Variants in RAI1 observed in about 807,000 individuals in gnomAD.
RAI1 encodes the protein retinoic acid-induced protein 1.
A neutral mutation model predicts 123.8 loss-of-function variants in RAI1; 9 were observed. The observed-to-expected ratio is 0.07, with a 90% CI of 0.04 to 0.13. RAI1 has a LOEUF of 0.13. Ranked by LOEUF, RAI1 falls within the 10% of genes least tolerant of loss-of-function variation. RAI1 has a pLI of 1.00. For missense variants in RAI1, 2,256 were observed against 2,545.8 expected (o/e 0.89, Z 2.45); for synonymous variants, 1,231 against 1,127.3 (o/e 1.09, Z -1.84).
chr17:17,803,954 C>A, intron 4 of RAI1, 105 bp downstream of exon 4: 1 of 1,068,792 alleles, frequency 9.4e-7, no homozygotes, highest in Non-Finnish European at 1.4e-6. Context: ...TCTCACTCTT[C>A]AGTTTCCCTC....
At chr17:17,700,702 T>TCCGG (rs1915192299) in intron 1 of RAI1, among the ~76,000 whole-genome samples, 2 of 152,034 alleles carry the variant, frequency 1.3e-5, no homozygotes, top group Admixed American at 6.5e-5. Flanking sequence ...GAGGCCGCAG[T>TCCGG]CCGGCCCCTC....
chr17:17,786,340 T>C (rs1318777528), intron 2 of RAI1, among the ~76,000 whole-genome samples: 1 of 152,262 alleles, frequency 6.6e-6, no homozygotes, highest in African/African-American at 2.4e-5. Flanking sequence ...TTGTGCATTA[T>C]TGATTCAGTA....
At position 17,796,789 on chromosome 17, in the gene RAI1, C is replaced by A; in HGVS notation, c.3841C>A (p.Pro1281Thr). ...GATGTCTTCTCCCAAGAAAGCCAAG[C>A]CCACCAAGGGCAATGGCGAGCCTGC... ...KRMSSPKKAK[P>T]TKGNGEPATK... Residue 1281 changes from proline (P) to threonine (T), a missense_variant, in exon 3 of 6, where the codon CCC (proline) becomes ACC (threonine). By Grantham distance (38) the Pro-to-Thr change is conservative. Coordinates refer to ENST00000353383, the MANE Select transcript of RAI1 (RefSeq NM_030665.4). The surrounding 1 kb of genome is among the most constrained non-coding windows in gnomAD (Gnocchi z 5.8). 6.2e-7 allele frequency: 1 copy of A among 1,612,864 alleles called. No homozygotes were observed. Among genetic ancestry groups the A allele is most frequent in the Non-Finnish European group, 8.5e-7 (1 of 1,179,648 alleles).
rs570789507 is a variant in RAI1 at position 17,799,998 on chromosome 17, C to T, written c.5565+1485C>T. Reference sequence around the variant, plus strand: ...GGATGGCTGGAGACCTTCTCCACGCCCAGACGCCCTGCCCACCTCACTCCA... The same window carrying T: ...GGATGGCTGGAGACCTTCTCCACGCTCAGACGCCCTGCCCACCTCACTCCA... On this transcript the variant is annotated intron_variant, in intron 3 of 5. Coordinates refer to ENST00000353383, the MANE Select transcript of RAI1 (RefSeq NM_030665.4). The surrounding 1 kb of genome is among the most constrained non-coding windows in gnomAD (Gnocchi z 4.5). Among the ~76,000 whole-genome samples, 1 of 152,248 alleles carries T rather than the reference C, an allele frequency of 6.6e-6. No homozygotes were observed. Among genetic ancestry groups the T allele is most frequent in the Admixed American group, 6.5e-5 (1 of 15,298 alleles).
intron 2 of RAI1, among the ~76,000 whole-genome samples, chr17:17,748,005 A>G (rs1432391182): frequency 6.6e-6 from 1 of 152,250 alleles, no homozygotes; most frequent in Non-Finnish European, 1.5e-5. Flanking sequence ...TCGAGGCTAC[A>G]GTGAGCTGTG....
chr17:17,725,915 TAGAA>T (rs1335800623), intron 2 of RAI1, among the ~76,000 whole-genome samples: 14 of 151,950 alleles, frequency 9.2e-5, no homozygotes, highest in Admixed American at 9.2e-4. Context: ...GGTCCAGGAA[TAGAA>T]AGAGTTAACC....
At chr17:17,802,025 ACCCCCCG>A in intron 3 of RAI1, 1 of 466,238 alleles carries the variant, frequency 2.1e-6, no homozygotes, top group Non-Finnish European at 4.4e-6. Flanking sequence ...TCTCTACCTC[ACCCCCCG>A]CCCCCAGCAC....
intron 1 of RAI1, among the ~76,000 whole-genome samples, chr17:17,698,674 G>A (rs1381799985): frequency 6.6e-6 from 1 of 152,242 alleles, no homozygotes; most frequent in African/African-American, 2.4e-5. Context: ...TGGAGGCATT[G>A]AGGCCCCTCT....
At chr17:17,706,135 C>T (rs1651766063) in intron 1 of RAI1, among the ~76,000 whole-genome samples, 2 of 151,852 alleles carry the variant, frequency 1.3e-5, no homozygotes, top group South Asian at 2.1e-4. Context: ...GATCATTCTG[C>T]AGAGCCACGG....
In RAI1 at chr17:17,799,084, G is replaced by T. The variant is rs184213261; in HGVS notation, c.5565+571G>T. On this transcript the variant is annotated intron_variant, in intron 3 of 5. Transcript: ENST00000353383. The surrounding 1 kb of genome is among the most constrained non-coding windows in gnomAD (Gnocchi z 4.5). ...CAGTCACAACAGGCAGGGCGGGGCA[G>T]ATCCAGACCCTCTCACCATTGGCTC... Among the ~76,000 whole-genome samples the T allele has an allele frequency of 6.6e-6, 1 of 152,206 alleles. No individual in the cohort carries two copies. The highest frequency in any genetic ancestry group is 6.5e-5 in the Admixed American group (1 of 15,284).
chr17:17,745,554 C>T (rs146419787), intron 2 of RAI1, among the ~76,000 whole-genome samples: 110 of 152,088 alleles, frequency 7.2e-4, no homozygotes, highest in African/African-American at 2.5e-3. Context: ...CGTGCCACCA[C>T]GCCTGGCTAT....
In RAI1 at chr17:17,794,110, G is replaced by A. The variant is rs2032137067; in HGVS notation, c.1162G>A (p.Asp388Asn). ...STGAFPAGIT[D>N]HSHFMPLLNP... ...CGGGGCCTTCCCCGCAGGGATCACT[G>A]ACCACAGCCACTTCATGCCCCTGCT... The change falls in exon 3 of 6, where the codon GAC becomes AAC. Residue 388 changes from aspartate to asparagine, a missense_variant. Asp to Asn is a conservative substitution (Grantham distance 23). Around this residue, in one of 7 missense-constraint regions of RAI1, gnomAD observed 357 missense variants for 480.2 expected, o/e 0.74. Transcript: ENST00000353383. The A allele has an allele frequency of 6.2e-7, 1 of 1,613,910 alleles. No individual in the cohort carries two copies. The highest frequency in any genetic ancestry group is 8.5e-7 in the Non-Finnish European group (1 of 1,180,038).
chr17:17,795,564 C>T lies in RAI1; in HGVS notation c.2616C>T (p.Ser872=). 2 of 1,610,174 alleles carry T rather than the reference C, an allele frequency of 1.2e-6. No homozygotes were observed. Among genetic ancestry groups the T allele is most frequent in the Non-Finnish European group, 1.7e-6 (2 of 1,178,470 alleles). ...ACCTGGAAGCTGAGGAGGAGTACTC[C>T]TCCCTATGTGAGCTCCTGGGCAGCC... ...KEDLEAEEEY[S]SLCELLGSPE... Residue 872 remains serine, a synonymous_variant, in exon 3 of 6, where the codon TCC becomes TCT. Coordinates refer to ENST00000353383, the MANE Select transcript of RAI1 (RefSeq NM_030665.4). This position sits in a 1 kb window ranked among gnomAD's most constrained non-coding sequence, Gnocchi z 5.9.
At position 17,809,326 on chromosome 17, in the gene RAI1, CAA is replaced by C; in HGVS notation, c.5660-61_5660-60del. 4 of 1,457,678 alleles carry C rather than the reference CAA, an allele frequency of 2.7e-6. No individual in the cohort carries two copies. The South Asian group carries it at 3.4e-5, about 12-fold the overall frequency. The allele number at this position is 1,457,678 out of a possible 1,614,324, so 90.3% of individuals were successfully genotyped here. ...GTGCGGCTCCCCTCCTGGCTGCAGACAAAACCCCACAGCTGTGGGGCCCCCAC... is the reference window on the plus strand; with the variant it reads ...GTGCGGCTCCCCTCCTGGCTGCAGACAACCCCACAGCTGTGGGGCCCCCAC... On this transcript the variant is annotated intron_variant, in intron 4 of 5. Coordinates refer to ENST00000353383, the MANE Select transcript of RAI1 (RefSeq NM_030665.4). This position sits in a 1 kb window ranked among gnomAD's most constrained non-coding sequence, Gnocchi z 4.9.
intron 1 of RAI1, among the ~76,000 whole-genome samples, chr17:17,709,756 T>C (rs2350961): frequency 0.25 from 38,479 of 151,890 alleles, 5,054 homozygotes; most frequent in East Asian, 0.37. Context: ...GGAGCTTTCC[T>C]CTGAACCTTA....
In RAI1 at chr17:17,794,832, A is replaced by C. The variant is rs763376348; in HGVS notation, c.1884A>C (p.Glu628Asp). Residue 628 changes from glutamate to aspartate, a missense_variant, in exon 3 of 6, where the codon GAA becomes GAC. By Grantham distance (45) the Glu-to-Asp change is conservative. This residue lies in a region of RAI1 where 566 missense variants were observed against 616.0 expected (regional missense o/e 0.92). Coordinates refer to ENST00000353383, the MANE Select transcript of RAI1 (RefSeq NM_030665.4). ...AGAAGGCCGACAAAGCTTGGGCTGAAGCACCCAGCCTGGTCAAGGACAGCA... is the reference window on the plus strand; with the variant it reads ...AGAAGGCCGACAAAGCTTGGGCTGACGCACCCAGCCTGGTCAAGGACAGCA... ...IGEKADKAWAEAPSLVKDSSK... is the reference protein window; with the variant it reads ...IGEKADKAWADAPSLVKDSSK... The C allele has an allele frequency of 1.9e-6, 3 of 1,613,144 alleles. No homozygotes were observed. Among genetic ancestry groups the C allele is most frequent in the Non-Finnish European group, 2.5e-6 (3 of 1,180,002 alleles).
At chr17:17,780,813 C>T (rs1326357932) in intron 2 of RAI1, among the ~76,000 whole-genome samples, 1 of 152,168 alleles carries the variant, frequency 6.6e-6, no homozygotes, top group Non-Finnish European at 1.5e-5. Context: ...GGGGAGAAGC[C>T]CCTTGAGAAC....
Position 17,808,973 on chromosome 17 carries a change from C to G in RAI1, c.5660-417C>G, listed in dbSNP as rs369821667. Among the ~76,000 whole-genome samples, 33 of 152,272 alleles carry G rather than the reference C, an allele frequency of 2.2e-4. No homozygotes were observed. The South Asian group carries it at 4.8e-3, about 22-fold the overall frequency. On this transcript the variant is annotated intron_variant, in intron 4 of 5. Transcript: ENST00000353383. Reference sequence around the variant, plus strand: ...CATACATCCAGGGAAGAAGACAGAGCTGGTGCCCTCTGGGAGCTTGCCTGC... The same window carrying G: ...CATACATCCAGGGAAGAAGACAGAGGTGGTGCCCTCTGGGAGCTTGCCTGC...
At chr17:17,731,366 T>C (rs1916267340) in intron 2 of RAI1, among the ~76,000 whole-genome samples, 1 of 152,210 alleles carries the variant, frequency 6.6e-6, no homozygotes, top group African/African-American at 2.4e-5. Flanking sequence ...GGAAGCATTT[T>C]GCTGCAGAAG....
Sources: allele counts gnomAD v4.1 joint callset (sites outside exome capture counted in the v4.1 genomes callset), GRCh38; gene constraint gnomAD v4.1.1; regional missense constraint gnomAD v4.1.1; non-coding constraint Gnocchi (gnomAD v3.1); transcripts MANE v1.5; gene names NCBI Gene and HGNC (gene_info 2026-07-23, HGNC 2026-07-21).